KIF1B: variants seen among roughly 807,000 people sequenced by gnomAD.
The protein encoded by KIF1B is kinesin-like protein KIF1B.
In KIF1B, 76 loss-of-function variants were observed where a neutral mutation model predicts 241.9. That is an observed-to-expected ratio of 0.31 (90% CI 0.26 to 0.38). KIF1B has a LOEUF of 0.38. KIF1B is among the 10% of genes least tolerant of loss of function. KIF1B has a pLI of 1.00. For synonymous variants in KIF1B, 750 were observed against 796.7 expected (o/e 0.94, Z 0.99); for missense variants, 1,622 against 2,271.4 (o/e 0.71, Z 5.81).
intron 22 of KIF1B, among the ~76,000 whole-genome samples, chr1:10,302,847 C>T (rs894426196): frequency 1.3e-5 from 2 of 152,122 alleles, no homozygotes; most frequent in Non-Finnish European, 2.9e-5. Context: ...GGGTGACATA[C>T]TCATCCCTGT....
intron 15 of KIF1B, among the ~76,000 whole-genome samples, chr1:10,286,911 G>T (rs1318826035): frequency 6.6e-6 from 1 of 151,906 alleles, no homozygotes; most frequent in African/African-American, 2.4e-5. Flanking sequence ...TCTGAACCAT[G>T]AATCCACATT....
chr1:10,250,943 A>G (rs1391995996), intron 2 of KIF1B, among the ~76,000 whole-genome samples: 1 of 152,112 alleles, frequency 6.6e-6, no homozygotes, highest in African/African-American at 2.4e-5. Flanking sequence ...CGGGTGGATC[A>G]CCTGAGGTAA....
intron 38 of KIF1B, 41 bp from the exon 39 acceptor site, chr1:10,360,888 A>T: frequency 7.2e-7 from 1 of 1,391,016 alleles, no homozygotes; most frequent in African/African-American, 1.4e-5. Flanking sequence ...ACGTGACTTT[A>T]GCTTCTTTTG....
chr1:10,316,291 A>G (rs1296273076), intron 22 of KIF1B, among the ~76,000 whole-genome samples: 1 of 151,522 alleles, frequency 6.6e-6, no homozygotes, highest in Non-Finnish European at 1.5e-5. Flanking sequence ...GTTGCATCAC[A>G]TCAGTAGACA....
chr1:10,295,988 G>A (rs2102257106), intron 19 of KIF1B, among the ~76,000 whole-genome samples: 1 of 152,270 alleles, frequency 6.6e-6, no homozygotes, highest in East Asian at 1.9e-4. Flanking sequence ...CAAGAACTGA[G>A]AAGGACATAG....
Position 10,376,466 on chromosome 1 carries a change from G to C in KIF1B, c.5409-79G>C, listed in dbSNP as rs1638891497. 7 of 1,385,520 alleles carry C rather than the reference G, an allele frequency of 5.1e-6. 1 individual carries two copies. Among genetic ancestry groups the C allele is most frequent in the Non-Finnish European group, 7.2e-6 (7 of 972,870 alleles). The allele number at this position is 1,385,520 out of a possible 1,614,324, so 85.8% of individuals were successfully genotyped here. A position where few individuals can be genotyped will look rare whatever the true frequency, so the allele number is the denominator to read the frequency against. ...AAATAGGAAGATGCTCCAGGAGGGAGCCTCAGAGGGAGAGGACTGTGAGGG... is the reference window on the plus strand; with the variant it reads ...AAATAGGAAGATGCTCCAGGAGGGACCCTCAGAGGGAGAGGACTGTGAGGG... On this transcript the variant is annotated intron_variant, in intron 48 of 48. Coordinates refer to ENST00000676179, the MANE Select transcript of KIF1B (RefSeq NM_001365951.3).
intron 7 of KIF1B, among the ~76,000 whole-genome samples, chr1:10,268,477 G>T (rs115355419): frequency 0.019 from 2,855 of 151,988 alleles, 41 homozygotes; most frequent in Non-Finnish European, 0.028. Flanking sequence ...TAGAGAATAG[G>T]GTTAAGAAAA....
chr1:10,304,361 C>G (rs150769714), intron 22 of KIF1B: 1 of 1,614,056 alleles, frequency 6.2e-7, no homozygotes, highest in Admixed American at 1.7e-5. Context: ...AATGGCCAGC[C>G]GAAAAGTACG....
chr1:10,333,946 A>G (rs1163261983), intron 27 of KIF1B, among the ~76,000 whole-genome samples: 8 of 151,830 alleles, frequency 5.3e-5, no homozygotes, highest in Admixed American at 3.3e-4. Context: ...AGGTCAGGAG[A>G]TTGAGACCAG....
At chr1:10,304,430 C>T (rs770734232) in intron 22 of KIF1B, 2 of 1,613,322 alleles carry the variant, frequency 1.2e-6, no homozygotes, top group African/African-American at 1.3e-5. Context: ...CACCCCACTG[C>T]TGATGTACAG....
At chr1:10,230,382 A>G (rs1646964595) in intron 1 of KIF1B, among the ~76,000 whole-genome samples, 2 of 149,590 alleles carry the variant, frequency 1.3e-5, no homozygotes, top group Admixed American at 1.3e-4. Context: ...AAAAGATTTT[A>G]TATTGGATAG....
At chr1:10,290,954 A>G in intron 15 of KIF1B, 128 bp from the exon 16 acceptor site, 1 of 693,740 alleles carries the variant, frequency 1.4e-6, no homozygotes, top group East Asian at 2.8e-5. Flanking sequence ...TATTAATAAA[A>G]GAAAAATCTC....
chr1:10,297,981 T>C (rs764307229), intron 22 of KIF1B, among the ~76,000 whole-genome samples: 6 of 152,224 alleles, frequency 3.9e-5, no homozygotes, highest in Non-Finnish European at 5.9e-5. Flanking sequence ...GTAATTGATT[T>C]CCCAGATTTG....
intron 35 of KIF1B, among the ~76,000 whole-genome samples, chr1:10,346,502 T>C (rs1214155575): frequency 6.6e-6 from 1 of 152,114 alleles, no homozygotes; most frequent in African/African-American, 2.4e-5. Flanking sequence ...GTAGCTGGGA[T>C]TACAGGTGCG....
At chr1:10,275,371 C>A in intron 10 of KIF1B, 57 bp from the exon 11 acceptor site, 1 of 924,530 alleles carries the variant, frequency 1.1e-6, no homozygotes, top group East Asian at 2.4e-5. Flanking sequence ...ATTTGCCTTT[C>A]TTGGGAATTT....
intron 48 of KIF1B, among the ~76,000 whole-genome samples, 187 bp from the exon 49 acceptor site, chr1:10,376,358 C>G (rs1414748533): frequency 1.3e-5 from 2 of 152,150 alleles, no homozygotes; most frequent in Non-Finnish European, 2.9e-5. Context: ...CAACCTCCAG[C>G]CCTGTGATTC....
chr1:10,289,066 A>G (rs1241148703), intron 15 of KIF1B, among the ~76,000 whole-genome samples: 4 of 152,200 alleles, frequency 2.6e-5, no homozygotes, highest in Non-Finnish European at 5.9e-5. Flanking sequence ...AATCACTACT[A>G]GCATCATTAC....
chr1:10,337,923 G>A lies in KIF1B; in HGVS notation c.3422+390G>A, dbSNP rs1462486547. Among the ~76,000 whole-genome samples, 1 of 152,082 alleles carries A rather than the reference G, an allele frequency of 6.6e-6. No individual in the cohort carries two copies. The highest frequency in any genetic ancestry group is 2.4e-5 in the African/African-American group (1 of 41,402). On this transcript the variant is annotated intron_variant, in intron 31 of 48. Coordinates refer to ENST00000676179, the MANE Select transcript of KIF1B (RefSeq NM_001365951.3). This position sits in a 1 kb window ranked among gnomAD's most constrained non-coding sequence, Gnocchi z 4.0. ...GCAATTACGCCTATTTAATACTCGG[G>A]AAAAGGAAAATTTAAACAATGTAAA... is the stretch of plus-strand genomic sequence containing the variant.
Position 10,272,279 on chromosome 1 carries a change from CAA to C in KIF1B, c.839_840del (p.Lys280SerfsTer10). ...TTAATAAGTCTCTTACAACTTTGGG[CAA>C]AGTCATTTCAGCCTTGGCCGAGGTG... ...NINKSLTTLG[K>X]VISALAEVDN... On this transcript the variant is annotated frameshift_variant, in exon 9 of 49. Transcript: ENST00000676179. LOFTEE classifies it high-confidence loss of function. 6.2e-7 allele frequency: 1 copy of C among 1,607,660 alleles called. No homozygotes were observed. Among genetic ancestry groups the C allele is most frequent in the Non-Finnish European group, 8.5e-7 (1 of 1,174,240 alleles).
Sources: gnomAD v4.1 joint callset for allele counts (sites outside exome capture counted in the v4.1 genomes callset) on GRCh38, gnomAD v4.1.1 for gene constraint, Gnocchi (gnomAD v3.1) non-coding constraint, MANE v1.5 for transcripts, NCBI Gene and HGNC (gene_info 2026-07-23, HGNC 2026-07-21) for gene names.